The following MYH14 variants were observed in gnomAD, a reference collection of about 807,000 sequenced individuals.
MYH14 encodes the protein myosin-14.
Under a neutral mutation model 255.5 loss-of-function variants are expected in MYH14, and 123 were observed. That is an observed-to-expected ratio of 0.48 (90% CI 0.42 to 0.56). The LOEUF is 0.56. MYH14 is among the 20% of genes least tolerant of loss of function. The probability of loss-of-function intolerance (pLI) is 0.00; values close to 1 mark genes in which losing one functional copy is unlikely to be tolerated. For missense variants in MYH14, 2,423 were observed against 2,802.3 expected (o/e 0.86, Z 3.06); for synonymous variants, 1,095 against 1,161.2 (o/e 0.94, Z 1.16).
intron 39 of MYH14, among the ~76,000 whole-genome samples, chr19:50,301,148 G>C (rs1195603420): frequency 6.6e-6 from 1 of 152,158 alleles, no homozygotes; most frequent in Non-Finnish European, 1.5e-5. Context: ...CCACGTAGCA[G>C]CTACTGTTTA....
At chr19:50,268,848 G>A (rs1027931756) in intron 24 of MYH14, among the ~76,000 whole-genome samples, 3 of 152,214 alleles carry the variant, frequency 2.0e-5, no homozygotes, top group African/African-American at 7.2e-5. Flanking sequence ...AATGTTCTCA[G>A]TACTCCCCCT....
chr19:50,240,708 A>G (rs554289686), intron 10 of MYH14, among the ~76,000 whole-genome samples: 1 of 152,136 alleles, frequency 6.6e-6, no homozygotes, highest in Admixed American at 6.6e-5. Context: ...AGGCCAAGTG[A>G]GGAGGACTTC....
In MYH14 at chr19:50,293,866, C is replaced by T. The variant is rs10419411; in HGVS notation, c.5469+179C>T. On this transcript the variant is annotated intron_variant, in intron 39 of 42. Transcript: ENST00000642316. This position sits in a 1 kb window ranked among gnomAD's most constrained non-coding sequence, Gnocchi z 4.1. Reference sequence around the variant, plus strand: ...CACTTGTATTTCTGAGGGGTTTCTTCAGGGCTAAATCCAAAGATGAATTAT... The same window carrying T: ...CACTTGTATTTCTGAGGGGTTTCTTTAGGGCTAAATCCAAAGATGAATTAT... Among the ~76,000 whole-genome samples the T allele has an allele frequency of 8.7e-3, 1,329 of 152,212 alleles. 15 individuals are homozygous for T. The highest frequency in any genetic ancestry group is 0.03 in the African/African-American group (1,259 of 41,532).
chr19:50,232,033 G>A lies in MYH14; in HGVS notation c.1077G>A (p.Ser359=), dbSNP rs377216969. The A allele has an allele frequency of 6.8e-6, 11 of 1,613,078 alleles. No individual in the cohort carries two copies. Among genetic ancestry groups the A allele is most frequent in the African/African-American group, 2.7e-5 (2 of 74,942 alleles). The change falls in exon 10 of 43, where the codon TCG becomes TCA. Residue 359 remains serine (S), a synonymous_variant. Transcript: ENST00000642316. ...AACTCTTCCAGGAGACGCTGGAGTC[G>A]CTGCGGGTCCTGGGATTCAGCCACG... is the stretch of plus-strand genomic sequence containing the variant. ...ERELFQETLE[S]LRVLGFSHEE... is the part of the protein sequence containing the mutation.
At chr19:50,231,721 T>TAA (rs59793441) in intron 9 of MYH14, among the ~76,000 whole-genome samples, 30 of 112,428 alleles carry the variant, frequency 2.7e-4, no homozygotes, top group African/African-American at 5.4e-4. Flanking sequence ...TCTAAAAAAT[T>TAA]AAAAAAAAAA....
rs1023061218 is a variant in MYH14, at chr19:50,286,300, A to T, written c.4540-182A>T. 9 of 606,176 alleles carry T rather than the reference A, an allele frequency of 1.5e-5. No individual in the cohort carries two copies. In the African/African-American group the frequency reaches 1.7e-4, roughly 11 times the overall value. The allele number at this position is 606,176 out of a possible 1,614,324, so 37.5% of individuals were successfully genotyped here. A position where few individuals can be genotyped will look rare whatever the true frequency, so the allele number is the denominator to read the frequency against. ...GGGACTGATCAGTTTGATCCATTCAAGAGTTAAGCTGGTTTGGGACACGGT... is the reference window on the plus strand; with the variant it reads ...GGGACTGATCAGTTTGATCCATTCATGAGTTAAGCTGGTTTGGGACACGGT... On this transcript the variant is annotated intron_variant, in intron 33 of 42. Transcript: ENST00000642316.
rs769519700 is a variant in MYH14 at position 50,278,115 on chromosome 19, C to A, written c.3858C>A (p.Ala1286=). 6.3e-7 allele frequency: 1 copy of A among 1,598,080 alleles called. No homozygotes were observed. Among genetic ancestry groups the A allele is most frequent in the South Asian group, 1.1e-5 (1 of 89,954 alleles). The change falls in exon 30 of 43, where the codon GCC becomes GCA. Residue 1286 remains alanine (A), a synonymous_variant. Transcript: ENST00000642316. ...GKGAWEKTRL[A]LEAEVSELRA... is the part of the protein sequence containing the mutation. The stretch of plus-strand genomic sequence containing the variant: ...GTGCATGGGAGAAGACCCGGCTGGC[C>A]CTGGAGGCCGAGGTGTCCGAGCTGC...
intron 30 of MYH14, 40 bp downstream of exon 30, chr19:50,278,329 C>T (rs967447971): frequency 4.9e-6 from 7 of 1,431,874 alleles, no homozygotes; most frequent in Non-Finnish European, 6.6e-6. Context: ...TGCTGTGTGA[C>T]CTTGGTGACA....
At chr19:50,229,295 G>A (rs187319193) in intron 8 of MYH14, among the ~76,000 whole-genome samples, 88 of 152,280 alleles carry the variant, frequency 5.8e-4, no homozygotes, top group Middle Eastern at 6.8e-3. Flanking sequence ...GTGTGGTGGT[G>A]CATGAGGGAC....
At chr19:50,282,729 A>AT (rs1030203663) in intron 33 of MYH14, among the ~76,000 whole-genome samples, 1 of 152,160 alleles carries the variant, frequency 6.6e-6, no homozygotes, top group Non-Finnish European at 1.5e-5. Context: ...ATTAAAAAAA[A>AT]TTTTTTTAAA....
chr19:50,291,537 G>A (rs572613292), intron 36 of MYH14, among the ~76,000 whole-genome samples: 3 of 152,136 alleles, frequency 2.0e-5, no homozygotes, highest in South Asian at 2.1e-4. Context: ...TGATCCACCC[G>A]CCCCCATGGT....
intron 10 of MYH14, among the ~76,000 whole-genome samples, chr19:50,239,106 G>A (rs1298056129): frequency 3.3e-5 from 5 of 152,002 alleles, no homozygotes; most frequent in African/African-American, 9.7e-5. Flanking sequence ...TGCAACCTCC[G>A]CCCCCCAGAT....
chr19:50,217,480 C>A, intron 2 of MYH14, 135 bp from the exon 3 acceptor site: 2 of 1,013,170 alleles, frequency 2.0e-6, no homozygotes, highest in South Asian at 1.3e-5. Flanking sequence ...ACATTCAAAT[C>A]TACATTGTTA....
chr19:50,259,386 G>C (rs2034736880), intron 19 of MYH14, 121 bp downstream of exon 19: 1 of 1,314,184 alleles, frequency 7.6e-7, no homozygotes, highest in African/African-American at 1.5e-5. Context: ...GGGAAGTTGA[G>C]GCAGATTACT....
intron 27 of MYH14, among the ~76,000 whole-genome samples, chr19:50,274,588 C>T (rs1164922747): frequency 6.6e-6 from 1 of 152,206 alleles, no homozygotes; most frequent in African/African-American, 2.4e-5. Flanking sequence ...AGCCACTGTG[C>T]TGGCCTCCAG....
At chr19:50,246,637 A>AAAACAAAACAAAACAAAACC (rs59828821) in intron 11 of MYH14, among the ~76,000 whole-genome samples, 13 of 150,892 alleles carry the variant, frequency 8.6e-5, no homozygotes, top group African/African-American at 3.2e-4. Flanking sequence ...AAAACAAAAC[A>AAAACAAAACAAAACAAAACC]AAACAAACAA....
At chr19:50,271,320 C>G in intron 24 of MYH14, 89 bp from the exon 25 acceptor site, 1 of 1,400,828 alleles carries the variant, frequency 7.1e-7, no homozygotes, top group Non-Finnish European at 9.8e-7. Flanking sequence ...CGCGGGGATC[C>G]GTGGGCCAGC....
intron 40 of MYH14, among the ~76,000 whole-genome samples, chr19:50,302,280 T>A (rs1414893823): frequency 8.2e-6 from 1 of 121,764 alleles, no homozygotes. Flanking sequence ...GAAGACCTTG[T>A]CTCTAAAAAA....
At chr19:50,249,162 G>T (rs2034255737) in intron 13 of MYH14, 23 bp downstream of exon 13, 1 of 1,550,568 alleles carries the variant, frequency 6.4e-7, no homozygotes, top group African/African-American at 1.4e-5. Flanking sequence ...GCTGGGAGGG[G>T]GATGCCAACT....
Sources: allele counts gnomAD v4.1 joint callset (sites outside exome capture counted in the v4.1 genomes callset), GRCh38; gene constraint gnomAD v4.1.1; non-coding constraint Gnocchi (gnomAD v3.1); transcripts MANE v1.5; gene names NCBI Gene and HGNC (gene_info 2026-07-23, HGNC 2026-07-21).